The following THSD4 variants were observed in gnomAD, a reference collection of about 807,000 sequenced individuals.
THSD4 encodes thrombospondin type 1 domain containing 4.
In THSD4, 69 loss-of-function variants were observed where a neutral mutation model predicts 119.0. The ratio of observed to expected loss-of-function variants is 0.58; its 90% CI spans 0.48 to 0.71. THSD4 has a LOEUF of 0.71. Among genes scored for constraint, THSD4 ranks in the 30% least tolerant of loss-of-function variants. THSD4 has a pLI of 0.00. For missense variants in THSD4, 1,393 were observed against 1,391.1 expected (o/e 1.00, Z -0.02); for synonymous variants, 524 against 540.4 (o/e 0.97, Z 0.42).
At chr15:71,463,146 A>G (rs1386818721) in intron 7 of THSD4, among the ~76,000 whole-genome samples, 3 of 152,006 alleles carry the variant, frequency 2.0e-5, no homozygotes, top group Middle Eastern at 3.2e-3. Flanking sequence ...CCTCCATCCA[A>G]TTCCTTCTCG....
chr15:71,173,123 C>T (rs1487115072), intron 3 of THSD4, among the ~76,000 whole-genome samples: 5 of 151,394 alleles, frequency 3.3e-5, no homozygotes, highest in African/African-American at 1.2e-4. Context: ...TATGTTAAAC[C>T]CTAAAATATC....
At chr15:71,382,206 A>G (rs73439604) in intron 6 of THSD4, among the ~76,000 whole-genome samples, 208 of 152,302 alleles carry the variant, frequency 1.4e-3, no homozygotes, top group African/African-American at 4.9e-3. Flanking sequence ...GAAAGACAAC[A>G]TGAAGGACAG....
intron 7 of THSD4, among the ~76,000 whole-genome samples, chr15:71,538,152 T>C (rs974509273): frequency 2.3e-4 from 35 of 152,314 alleles, no homozygotes; most frequent in Admixed American, 1.1e-3. Context: ...TGTGTTTTTG[T>C]CTTCATTATA....
chr15:71,142,040 C>T (rs1240875267), intron 2 of THSD4, among the ~76,000 whole-genome samples: 1 of 151,990 alleles, frequency 6.6e-6, no homozygotes, highest in East Asian at 1.9e-4. Flanking sequence ...GAGGTGGGGT[C>T]AGATCAATGT....
chr15:71,707,568 T>C (rs1370608000), intron 8 of THSD4, among the ~76,000 whole-genome samples: 2 of 152,236 alleles, frequency 1.3e-5, no homozygotes, highest in African/African-American at 2.4e-5. Context: ...AACATTTCGA[T>C]ATCTCTACGA....
chr15:71,199,665 ATGTGTGGAGGGTGTG>A, intron 3 of THSD4, among the ~76,000 whole-genome samples: 1 of 40,076 alleles, frequency 2.5e-5, no homozygotes, highest in East Asian at 4.7e-4. Flanking sequence ...TGTGTGATGC[ATGTGTGGAGGGTGTG>A]TGTGTGTGTG....
intron 7 of THSD4, among the ~76,000 whole-genome samples, chr15:71,562,361 G>A (rs1447354724): frequency 6.6e-6 from 1 of 151,348 alleles, no homozygotes; most frequent in Non-Finnish European, 1.5e-5. Flanking sequence ...AACCATCTGA[G>A]TGTGTTGGAA....
At chr15:71,308,939 G>C (rs1421454268) in intron 6 of THSD4, among the ~76,000 whole-genome samples, 1 of 152,084 alleles carries the variant, frequency 6.6e-6, no homozygotes. Context: ...CATCCTAGTG[G>C]GGAGTGAAGT....
At chr15:71,631,201 C>T (rs1215911976) in intron 7 of THSD4, among the ~76,000 whole-genome samples, 1 of 152,168 alleles carries the variant, frequency 6.6e-6, no homozygotes, top group Non-Finnish European at 1.5e-5. Flanking sequence ...CATGGCCAGG[C>T]CTGTGCCAGC....
intron 6 of THSD4, among the ~76,000 whole-genome samples, chr15:71,313,018 G>A (rs1193946417): frequency 6.6e-6 from 1 of 152,146 alleles, no homozygotes; most frequent in Non-Finnish European, 1.5e-5. Flanking sequence ...CTAGAACAGT[G>A]CCTGGCATAT....
intron 6 of THSD4, among the ~76,000 whole-genome samples, chr15:71,383,806 C>T (rs1006720721): frequency 2.6e-5 from 4 of 152,140 alleles, no homozygotes; most frequent in African/African-American, 9.7e-5. Flanking sequence ...ATTTACATAA[C>T]ATTCACATTG....
rs139401436 is a variant in THSD4 at position 71,748,617 on chromosome 15, C to T, written c.2415+23C>T. 104 of 1,611,994 alleles carry T rather than the reference C, an allele frequency of 6.5e-5. No homozygotes were observed. In the African/African-American group the frequency reaches 9.7e-4, roughly 15 times the overall value. On this transcript the variant is annotated intron_variant, in intron 14 of 17. Coordinates refer to ENST00000261862, the MANE Select transcript of THSD4 (RefSeq NM_024817.3). ...AGGGTGAGTGTGATGGCGGGCAGAG[C>T]GCCGGGGACCGAGGTCTGCCAGGTG...
At chr15:71,577,502 AG>A (rs1209583080) in intron 7 of THSD4, among the ~76,000 whole-genome samples, 4 of 152,310 alleles carry the variant, frequency 2.6e-5, no homozygotes, top group Non-Finnish European at 5.9e-5. Context: ...TCAGATTCAC[AG>A]AGGCTGGAAA....
chr15:71,757,940 G>A lies in THSD4; in HGVS notation c.2454G>A (p.Ser818=), dbSNP rs376871701. 126 of 1,613,832 alleles carry A rather than the reference G, an allele frequency of 7.8e-5. No individual in the cohort carries two copies. Among genetic ancestry groups the A allele is most frequent in the Middle Eastern group, 1.6e-4 (1 of 6,082 alleles). ...GTGGGGCCGGAGTGCGGACACGCTCGGTGGTGTGCATGACCAACCATGTCA... is the reference window on the plus strand; with the variant it reads ...GTGGGGCCGGAGTGCGGACACGCTCAGTGGTGTGCATGACCAACCATGTCA... The part of the protein sequence containing the change: ...AECGAGVRTR[S]VVCMTNHVSS... Residue 818 remains serine (S), a synonymous_variant, in exon 15 of 18, where the codon TCG becomes TCA. Transcript: ENST00000261862.
At chr15:71,660,404 C>T in intron 7 of THSD4, 126 bp from the exon 8 acceptor site, 1 of 1,128,004 alleles carries the variant, frequency 8.9e-7, no homozygotes, top group Admixed American at 1.9e-5. Flanking sequence ...GCTCCCACCC[C>T]ACTCCTAGAA....
chr15:71,738,156 G>A (rs895963506), intron 11 of THSD4, 149 bp downstream of exon 11: 1 of 1,126,400 alleles, frequency 8.9e-7, no homozygotes, highest in South Asian at 1.6e-5. Context: ...GGGGTTGGGG[G>A]ATGGTTTCTG....
At position 71,453,645 on chromosome 15, in the gene THSD4, A is replaced by C. The variant is rs1322400120; in HGVS notation, c.1152+41822A>C. Among the ~76,000 whole-genome samples the C allele has an allele frequency of 3.3e-5, 5 of 152,364 alleles. No homozygotes were observed. The East Asian group carries it at 9.6e-4, about 29-fold the overall frequency. Reference sequence around the variant, plus strand: ...AAAAACAAAGTTGAATTACACTACAACAATGGTTGTCCGCTGGTTGGTGGC... The same window carrying C: ...AAAAACAAAGTTGAATTACACTACACCAATGGTTGTCCGCTGGTTGGTGGC... On this transcript the variant is annotated intron_variant, in intron 7 of 17. Coordinates refer to ENST00000261862, the MANE Select transcript of THSD4 (RefSeq NM_024817.3).
intron 7 of THSD4, among the ~76,000 whole-genome samples, chr15:71,459,030 A>G (rs2047378333): frequency 1.3e-5 from 2 of 152,060 alleles, no homozygotes; most frequent in Admixed American, 1.3e-4. Context: ...TAACACTTGG[A>G]TTGAAAATAT....
intron 7 of THSD4, among the ~76,000 whole-genome samples, chr15:71,579,082 A>G (rs1412989414): frequency 6.6e-6 from 1 of 152,022 alleles, no homozygotes; most frequent in African/African-American, 2.4e-5. Flanking sequence ...TGACCTCGTG[A>G]TCCACCCACC....
Sources: allele counts gnomAD v4.1 joint callset (sites outside exome capture counted in the v4.1 genomes callset), GRCh38; gene constraint gnomAD v4.1.1; transcripts MANE v1.5; gene names NCBI Gene and HGNC (gene_info 2026-07-23, HGNC 2026-07-21).